ANKS1A: variants seen among roughly 807,000 people sequenced by gnomAD.
The protein encoded by ANKS1A is ankyrin repeat and sterile alpha motif domain containing 1A.
ANKS1A carries 55 observed loss-of-function variants against 120.3 expected under a neutral mutation model. The observed-to-expected ratio is 0.46, with a 90% CI of 0.37 to 0.57. ANKS1A has a LOEUF of 0.57. ANKS1A is among the 20% of genes least tolerant of loss of function. The pLI, the probability that ANKS1A is intolerant of heterozygous loss-of-function variation, is 0.00. For synonymous variants in ANKS1A, 590 were observed against 604.7 expected (o/e 0.98, Z 0.36); for missense variants, 1,123 against 1,480.3 (o/e 0.76, Z 3.96).
In ANKS1A at chr6:35,086,080, C is replaced by T. The variant is rs568046361; in HGVS notation, c.3303+144C>T. On this transcript the variant is annotated intron_variant, in intron 22 of 23. Transcript: ENST00000360359. This position sits in a 1 kb window ranked among gnomAD's most constrained non-coding sequence, Gnocchi z 5.1. ...ATGACCCTCTTAATTGTCCCCCAAC[C>T]CTGCCAGGTCTCGCCCCTGGAAAGG... 3.8e-6 allele frequency: 5 copies of T among 1,305,318 alleles called. No individual in the cohort carries two copies. In the African/African-American group the frequency reaches 5.9e-5, roughly 16 times the overall value. The allele number at this position is 1,305,318 out of a possible 1,614,324, so 80.9% of individuals were successfully genotyped here. A position where few individuals can be genotyped will look rare whatever the true frequency, so the allele number is the denominator to read the frequency against.
chr6:34,981,504 G>A (rs568161618), intron 3 of ANKS1A, among the ~76,000 whole-genome samples, 186 bp from the exon 4 acceptor site: 1 of 152,304 alleles, frequency 6.6e-6, no homozygotes, highest in African/African-American at 2.4e-5. Flanking sequence ...CTGGGGGAAG[G>A]TGTCGCTGAT....
At position 35,084,249 on chromosome 6, in the gene ANKS1A, C is replaced by T. The variant is rs1777843355; in HGVS notation, c.3123C>T (p.Thr1041=). Residue 1041 remains threonine (T), a synonymous_variant, in exon 21 of 24, where the codon ACC becomes ACT. Coordinates refer to ENST00000360359, the MANE Select transcript of ANKS1A (RefSeq NM_015245.3). The surrounding 1 kb of genome is among the most constrained non-coding windows in gnomAD (Gnocchi z 4.8). ...TSHHYCHVFS[T]VDVNLTYEII... ...ACCACTATTGCCATGTGTTCAGCAC[C>T]GTGGATGTGGTGGGTGGGGTCCTGG... 1.9e-6 allele frequency: 3 copies of T among 1,614,010 alleles called. No individual in the cohort carries two copies. Among genetic ancestry groups the T allele is most frequent in the Non-Finnish European group, 2.5e-6 (3 of 1,179,954 alleles).
At chr6:34,904,340 G>A (rs1032151117) in intron 1 of ANKS1A, among the ~76,000 whole-genome samples, 1 of 151,594 alleles carries the variant, frequency 6.6e-6, no homozygotes, top group African/African-American at 2.4e-5. Context: ...TTTTTTCCAT[G>A]GTTGGTTGAA....
At chr6:34,941,373 A>G (rs1769525050) in intron 1 of ANKS1A, among the ~76,000 whole-genome samples, 1 of 152,044 alleles carries the variant, frequency 6.6e-6, no homozygotes, top group South Asian at 2.1e-4. Flanking sequence ...CATAATCCAC[A>G]ACTTGGCTTT....
At chr6:34,932,546 G>C (rs1370977809) in intron 1 of ANKS1A, among the ~76,000 whole-genome samples, 1 of 151,814 alleles carries the variant, frequency 6.6e-6, no homozygotes, top group East Asian at 1.9e-4. Flanking sequence ...CACCACACCT[G>C]GCTAATTTTT....
rs62402704 is a variant in ANKS1A, at chr6:35,013,972, G to A, written c.1424-3501G>A. Among the ~76,000 whole-genome samples, 844 of 152,250 alleles carry A rather than the reference G, an allele frequency of 5.5e-3. 5 individuals carry two copies. Among genetic ancestry groups the A allele is most frequent in the South Asian group, 0.015 (73 of 4,820 alleles). On this transcript the variant is annotated intron_variant, in intron 10 of 23. Transcript: ENST00000360359. ...TGAGAGCGTGGCATGTGCTAGACAC[G>A]GTTCTTAATGCATTACACGTATAAT...
At chr6:34,944,105 T>G (rs1769663522) in intron 1 of ANKS1A, among the ~76,000 whole-genome samples, 1 of 152,096 alleles carries the variant, frequency 6.6e-6, no homozygotes, top group Non-Finnish European at 1.5e-5. Context: ...AAACCCAGTC[T>G]CTACTAAAAA....
chr6:34,943,765 ATTTCTT>A (rs1769645616), intron 1 of ANKS1A, among the ~76,000 whole-genome samples: 2 of 152,098 alleles, frequency 1.3e-5, no homozygotes, highest in Non-Finnish European at 2.9e-5. Context: ...TTGATACTTT[ATTTCTT>A]TTTATTCCTG....
chr6:34,979,183 C>T (rs1771770479), intron 3 of ANKS1A, among the ~76,000 whole-genome samples: 1 of 152,156 alleles, frequency 6.6e-6, no homozygotes, highest in Non-Finnish European at 1.5e-5. Flanking sequence ...GCATGAGCCA[C>T]CGTGCCCGGC....
At position 35,018,018 on chromosome 6, in the gene ANKS1A, A is replaced by C; in HGVS notation, c.1969A>C (p.Arg657=). The change falls in exon 11 of 24, where the codon AGG becomes CGG. Residue 657 remains arginine, a synonymous_variant. Transcript: ENST00000360359. ...SLSNCSIGKK[R]LEKSPSFASE... Reference sequence around the variant, plus strand: ...ATCCAACTGCAGCATTGGGAAGAAAAGGCTAGAGAAGTCACCCTCCTTCGC... The same window carrying C: ...ATCCAACTGCAGCATTGGGAAGAAACGGCTAGAGAAGTCACCCTCCTTCGC... 1 of 1,614,038 alleles carries C rather than the reference A, an allele frequency of 6.2e-7. No individual in the cohort carries two copies. Among genetic ancestry groups the C allele is most frequent in the Non-Finnish European group, 8.5e-7 (1 of 1,180,018 alleles).
chr6:35,036,023 C>G (rs1775151422), intron 11 of ANKS1A, among the ~76,000 whole-genome samples: 1 of 152,192 alleles, frequency 6.6e-6, no homozygotes, highest in Non-Finnish European at 1.5e-5. Flanking sequence ...GTGAATGGCT[C>G]TAGTTTTCCC....
At chr6:35,005,683 A>G (rs1391944675) in intron 10 of ANKS1A, 7 of 437,292 alleles carry the variant, frequency 1.6e-5, no homozygotes, top group African/African-American at 4.1e-5. Flanking sequence ...ATTAAAATGA[A>G]TTTGTATTTT....
At position 35,054,211 on chromosome 6, in the gene ANKS1A, G is replaced by C. The variant is rs760313688; in HGVS notation, c.2077+46G>C. The C allele has an allele frequency of 3.2e-6, 5 of 1,581,320 alleles. No homozygotes were observed. In the Admixed American group the frequency reaches 8.4e-5, roughly 26 times the overall value. On this transcript the variant is annotated intron_variant, in intron 12 of 23. Transcript: ENST00000360359. Reference sequence around the variant, plus strand: ...TTTCCCCACAGAAACTGGCAGTCTGGCTCTTTTCTGGCTCAGGCTTTCCTC... The same window carrying C: ...TTTCCCCACAGAAACTGGCAGTCTGCCTCTTTTCTGGCTCAGGCTTTCCTC...
At position 35,086,825 on chromosome 6, in the gene ANKS1A, C is replaced by A; in HGVS notation, c.3304-127C>A. ...TGCCCCCAGGGGCCTGCTCTTTGGCCGAGGAGAATAAGGGCTGCCCCTCCC... is the reference window on the plus strand; with the variant it reads ...TGCCCCCAGGGGCCTGCTCTTTGGCAGAGGAGAATAAGGGCTGCCCCTCCC... On this transcript the variant is annotated intron_variant, in intron 22 of 23. Transcript: ENST00000360359. This position sits in a 1 kb window ranked among gnomAD's most constrained non-coding sequence, Gnocchi z 5.1. The A allele has an allele frequency of 1.0e-6, 1 of 962,204 alleles. No individual in the cohort carries two copies. The highest frequency in any genetic ancestry group is 1.6e-6 in the Non-Finnish European group (1 of 611,618). The allele number at this position is 962,204 out of a possible 1,614,324, so 59.6% of individuals were successfully genotyped here.
At chr6:35,004,467 A>AT (rs1441617955) in intron 10 of ANKS1A, among the ~76,000 whole-genome samples, 4 of 152,048 alleles carry the variant, frequency 2.6e-5, no homozygotes, top group African/African-American at 9.7e-5. Flanking sequence ...CTAAAATAAA[A>AT]TTTTTTTAAT....
chr6:34,901,745 A>G (rs1333810619), intron 1 of ANKS1A, among the ~76,000 whole-genome samples: 1 of 152,138 alleles, frequency 6.6e-6, no homozygotes, highest in East Asian at 1.9e-4. Flanking sequence ...TCCTGGGCTT[A>G]AGAGATCTGC....
chr6:34,942,766 A>AT (rs1769593849), intron 1 of ANKS1A, among the ~76,000 whole-genome samples: 2 of 150,406 alleles, frequency 1.3e-5, no homozygotes, highest in African/African-American at 2.5e-5. Context: ...GGAGTGTGGG[A>AT]TTTTTTAAAT....
chr6:35,031,388 G>A (rs1774902737), intron 11 of ANKS1A, among the ~76,000 whole-genome samples: 1 of 152,112 alleles, frequency 6.6e-6, no homozygotes, highest in Non-Finnish European at 1.5e-5. Flanking sequence ...ACCTTAATTT[G>A]CAGGTAAAGA....
intron 3 of ANKS1A, among the ~76,000 whole-genome samples, chr6:34,971,235 G>A (rs1425965810): frequency 6.6e-6 from 1 of 152,168 alleles, no homozygotes; most frequent in Non-Finnish European, 1.5e-5. Flanking sequence ...CTCCGAGTAA[G>A]CATGCTTTGA....
Sources: allele counts gnomAD v4.1 joint callset (sites outside exome capture counted in the v4.1 genomes callset), GRCh38; gene constraint gnomAD v4.1.1; non-coding constraint Gnocchi (gnomAD v3.1); transcripts MANE v1.5; gene names NCBI Gene and HGNC (gene_info 2026-07-23, HGNC 2026-07-21).